The following LGMN variants were observed in gnomAD, a reference collection of about 807,000 sequenced individuals.
LGMN encodes asparaginyl endopeptidase.
A neutral mutation model predicts 56.8 loss-of-function variants in LGMN; 36 were observed. That is an observed-to-expected ratio of 0.63 (90% CI 0.49 to 0.84). LGMN has a LOEUF of 0.84. Among genes scored for constraint, LGMN ranks in the 40% least tolerant of loss-of-function variants. The pLI, the probability that LGMN is intolerant of heterozygous loss-of-function variation, is 0.00. For missense variants in LGMN, 446 were observed against 556.1 expected (o/e 0.80, Z 1.99); for synonymous variants, 199 against 210.1 (o/e 0.95, Z 0.46).
chr14:92,724,941 AGCTGAGCAGT>A (rs1197760657), intron 2 of LGMN, among the ~76,000 whole-genome samples: 1 of 152,182 alleles, frequency 6.6e-6, no homozygotes, highest in Non-Finnish European at 1.5e-5. Context: ...CCCGACACAC[AGCTGAGCAGT>A]GCTGAGGTGA....
intron 1 of LGMN, among the ~76,000 whole-genome samples, chr14:92,744,396 ACTTC>A (rs748507328): frequency 3.3e-5 from 5 of 152,152 alleles, no homozygotes; most frequent in Non-Finnish European, 5.9e-5. Context: ...GGTTCATTTG[ACTTC>A]CTTCCCCCTC....
At chr14:92,705,125 A>G (rs992113080) in intron 12 of LGMN, among the ~76,000 whole-genome samples, 7 of 152,222 alleles carry the variant, frequency 4.6e-5, no homozygotes, top group African/African-American at 1.7e-4. Flanking sequence ...GGGGATGTTT[A>G]TCTTGAAACA....
At position 92,709,889 on chromosome 14, in the gene LGMN, CAAGAGAGAGCGA is replaced by C. The variant is rs1889665329; in HGVS notation, c.820-29_820-18del. 1.3e-6 allele frequency: 2 copies of C among 1,568,738 alleles called. No homozygotes were observed. Among genetic ancestry groups the C allele is most frequent in the Non-Finnish European group, 8.7e-7 (1 of 1,150,664 alleles). ...GGAGATTGTCTGGGGAGACAGACAG[CAAGAGAGAGCGA>C]GAGAGAAAGCGAGAGAGAGTGAGAG... On this transcript the variant is annotated intron_variant, in intron 10 of 13. Coordinates refer to ENST00000334869, the MANE Select transcript of LGMN (RefSeq NM_005606.7).
At chr14:92,728,388 C>T (rs906510190) in intron 2 of LGMN, among the ~76,000 whole-genome samples, 3 of 152,200 alleles carry the variant, frequency 2.0e-5, no homozygotes, top group East Asian at 1.9e-4. Flanking sequence ...TGTTATAACG[C>T]TCAGATGGTA....
chr14:92,741,491 CTGTAAAGAG>C (rs1891554064), intron 1 of LGMN: 1 of 152,160 alleles, frequency 6.6e-6, no homozygotes, highest in South Asian at 2.1e-4. Flanking sequence ...ACAATGAAAT[CTGTAAAGAG>C]CCTTCCAAAC....
At chr14:92,710,741 C>A (rs919158561) in intron 10 of LGMN, among the ~76,000 whole-genome samples, 2 of 152,318 alleles carry the variant, frequency 1.3e-5, no homozygotes, top group South Asian at 4.1e-4. Flanking sequence ...CAAGGCGGGG[C>A]CCCCACATGG....
chr14:92,717,101 A>G (rs935303309), intron 4 of LGMN, among the ~76,000 whole-genome samples: 5 of 152,228 alleles, frequency 3.3e-5, no homozygotes, highest in African/African-American at 9.7e-5. Context: ...TGATATCTCA[A>G]GAAAGGTTAA....
chr14:92,706,330 G>A (rs1293155952), intron 12 of LGMN, 153 bp downstream of exon 12: 1 of 587,134 alleles, frequency 1.7e-6, no homozygotes, highest in African/African-American at 1.9e-5. Flanking sequence ...TAAAATTAGT[G>A]AATTTGGACA....
At chr14:92,744,813 T>C (rs1262331320) in intron 1 of LGMN, among the ~76,000 whole-genome samples, 1 of 152,156 alleles carries the variant, frequency 6.6e-6, no homozygotes, top group Non-Finnish European at 1.5e-5. Flanking sequence ...AGGCTGGTCT[T>C]GAACTCCTGA....
At chr14:92,724,484 A>T (rs946801178) in intron 2 of LGMN, among the ~76,000 whole-genome samples, 1 of 152,248 alleles carries the variant, frequency 6.6e-6, no homozygotes, top group African/African-American at 2.4e-5. Flanking sequence ...CAAAAGAGAT[A>T]CAAGTGGGGT....
Position 92,704,685 on chromosome 14 carries a change from A to G in LGMN, c.1214T>C (p.Leu405Ser), listed in dbSNP as rs1218880765. Residue 405 changes from leucine to serine, a missense_variant, in exon 13 of 14, where the codon TTG (leucine) becomes TCG (serine). Leu to Ser is a moderately radical substitution (Grantham distance 145). Transcript: ENST00000334869. ...CTCACAAAGGTTGACCAGCACGTAC[A>G]AATGTCTCAACGCATACTCGTACTG... ...SPTYEYALRH[L>S]YVLVNLCEKP... is the part of the protein sequence containing the mutation. The G allele has an allele frequency of 6.2e-7, 1 of 1,613,632 alleles. No homozygotes were observed. Among genetic ancestry groups the G allele is most frequent in the African/African-American group, 1.3e-5 (1 of 75,048 alleles).
At chr14:92,735,324 A>G (rs1436661673) in intron 1 of LGMN, among the ~76,000 whole-genome samples, 1 of 152,158 alleles carries the variant, frequency 6.6e-6, no homozygotes, top group East Asian at 1.9e-4. Context: ...CTCCTGCCTC[A>G]GCCTCCTGAG....
intron 1 of LGMN, among the ~76,000 whole-genome samples, chr14:92,745,527 T>C (rs1157674653): frequency 6.6e-6 from 1 of 152,200 alleles, no homozygotes; most frequent in African/African-American, 2.4e-5. Flanking sequence ...CTCCCCACAC[T>C]GCAAAGTTAT....
chr14:92,739,889 C>T (rs570504263), intron 1 of LGMN, among the ~76,000 whole-genome samples: 4 of 152,314 alleles, frequency 2.6e-5, no homozygotes, highest in South Asian at 2.1e-4. Context: ...ACACATGCAT[C>T]GTCTGCTAAC....
intron 1 of LGMN, among the ~76,000 whole-genome samples, chr14:92,735,890 G>T (rs1371824945): frequency 1.3e-5 from 2 of 151,898 alleles, no homozygotes; most frequent in African/African-American, 4.8e-5. Flanking sequence ...TAGAACCACG[G>T]GTCTGTTCAT....
chr14:92,738,360 G>T (rs1891396929), intron 1 of LGMN, among the ~76,000 whole-genome samples: 1 of 151,006 alleles, frequency 6.6e-6, no homozygotes, highest in African/African-American at 2.4e-5. Flanking sequence ...CTCACTGCAA[G>T]CTCTGCCTCG....
In LGMN at chr14:92,719,158, G is replaced by A. The variant is rs1037869230; in HGVS notation, c.139-314C>T. Among the ~76,000 whole-genome samples, 50 of 96,304 alleles carry A rather than the reference G, an allele frequency of 5.2e-4. 2 individuals carry two copies. The highest frequency in any genetic ancestry group is 1.3e-3 in the African/African-American group (30 of 22,404). The allele number at this position is 96,304 out of a possible 152,430, so 63.2% of individuals were successfully genotyped here. A position where few individuals can be genotyped will look rare whatever the true frequency, so the allele number is the denominator to read the frequency against. On this transcript the variant is annotated intron_variant, in intron 2 of 13. Coordinates refer to ENST00000334869, the MANE Select transcript of LGMN (RefSeq NM_005606.7). ...CGCCACCGCCACCACCACCGCCACT[G>A]CCACCACCACCACCACCACCACCAT...
intron 2 of LGMN, among the ~76,000 whole-genome samples, chr14:92,720,558 T>C (rs1890405310): frequency 6.6e-6 from 1 of 152,172 alleles, no homozygotes; most frequent in Non-Finnish European, 1.5e-5. Context: ...TCCTAGCTAC[T>C]TGGGAGGCTG....
chr14:92,720,696 T>G (rs1211286221), intron 2 of LGMN, among the ~76,000 whole-genome samples: 1 of 152,146 alleles, frequency 6.6e-6, no homozygotes, highest in African/African-American at 2.4e-5. Context: ...CTAATTGTGG[T>G]AGGCAAAATA....
Sources: gnomAD v4.1 joint callset for allele counts (sites outside exome capture counted in the v4.1 genomes callset) on GRCh38, gnomAD v4.1.1 for gene constraint, MANE v1.5 for transcripts, NCBI Gene and HGNC (gene_info 2026-07-23, HGNC 2026-07-21) for gene names.